Variants in NHP2 observed in about 807,000 individuals in gnomAD.
NHP2 encodes NHP2 ribonucleoprotein.
Under a neutral mutation model 16.7 loss-of-function variants are expected in NHP2, and 10 were observed. The ratio of observed to expected loss-of-function variants is 0.60; its 90% CI spans 0.37 to 1.01. The LOEUF is 1.01. NHP2 is among the 50% of genes least tolerant of loss of function. The pLI, the probability that NHP2 is intolerant of heterozygous loss-of-function variation, is 0.01. For missense variants in NHP2, 184 were observed against 198.3 expected (o/e 0.93, Z 0.43); for synonymous variants, 87 against 78.9 (o/e 1.10, Z -0.54).
At position 178,153,583 on chromosome 5, in the gene NHP2, C is replaced by T. The variant is rs759355382; in HGVS notation, c.161-23G>A. On this transcript the variant is annotated intron_variant, in intron 1 of 3. Transcript: ENST00000274606. ...CCGCTGCAACGACAGAAGAGTCGGTCGGGGGCCTCGCTCAGCCACCCGCGC... is the reference window on the plus strand; with the variant it reads ...CCGCTGCAACGACAGAAGAGTCGGTTGGGGGCCTCGCTCAGCCACCCGCGC... The T allele has an allele frequency of 1.9e-6, 3 of 1,613,946 alleles. No individual in the cohort carries two copies. In the African/African-American group the frequency reaches 4.0e-5, roughly 22 times the overall value.
chr5:178,152,072 G>C (rs1361768943), intron 2 of NHP2, among the ~76,000 whole-genome samples: 1 of 151,984 alleles, frequency 6.6e-6, no homozygotes, highest in Non-Finnish European at 1.5e-5. Flanking sequence ...TTTCAAATCT[G>C]TCCCCTTTAA....
At chr5:178,152,077 C>A (rs1245261578) in intron 2 of NHP2, among the ~76,000 whole-genome samples, 1 of 152,144 alleles carries the variant, frequency 6.6e-6, no homozygotes, top group Non-Finnish European at 1.5e-5. Context: ...AATCTGTCCC[C>A]TTTAACTCTG....
In NHP2 at chr5:178,149,697, G is replaced by A. The variant is rs745927459; in HGVS notation, c.*16C>T. 2.7e-5 allele frequency: 43 copies of A among 1,612,488 alleles called. No individual in the cohort carries two copies. The East Asian group carries it at 6.9e-4, about 26-fold the overall frequency. On this transcript the variant is annotated 3_prime_UTR_variant, in exon 4 of 4. Transcript: ENST00000274606. ...ATAGCTTCCAGCGGCAGGTGCCCAG[G>A]TGCTACCGGAGCCCCTCATAGGGGT...
Position 178,153,116 on chromosome 5 carries a change from C to T in NHP2, c.230+375G>A, listed in dbSNP as rs1274058598. 14 of 361,454 alleles carry T rather than the reference C, an allele frequency of 3.9e-5. No homozygotes were observed. In the Admixed American group the frequency reaches 5.2e-4, roughly 13 times the overall value. 22.4% of individuals were successfully genotyped at this position (361,454 alleles called of 1,614,324 possible). A position where few individuals can be genotyped will look rare whatever the true frequency, so the allele number is the denominator to read the frequency against. On this transcript the variant is annotated intron_variant, in intron 2 of 3. Coordinates refer to ENST00000274606, the MANE Select transcript of NHP2 (RefSeq NM_017838.4). ...AAACAAAAACGTTAACGTTCAGTTCCTTAAATACAGAGCCGGAGAGGGGTC... is the reference window on the plus strand; with the variant it reads ...AAACAAAAACGTTAACGTTCAGTTCTTTAAATACAGAGCCGGAGAGGGGTC...
Position 178,150,876 on chromosome 5 carries a change from C to T in NHP2, c.336+12G>A, listed in dbSNP as rs202050768. ...AGTGCTGAGCAAGGTCAGGGGGCCA[C>T]GTGCTCCTTACCGTCTTAGAGGGGA... On this transcript the variant is annotated intron_variant, in intron 3 of 3. Transcript: ENST00000274606. The T allele has an allele frequency of 5.1e-5, 80 of 1,574,958 alleles. No individual in the cohort carries two copies. The highest frequency in any genetic ancestry group is 6.0e-5 in the Non-Finnish European group (69 of 1,144,358).
chr5:178,150,003 A>C, intron 3 of NHP2, 165 bp from the exon 4 acceptor site: 2 of 703,400 alleles, frequency 2.8e-6, no homozygotes, highest in Non-Finnish European at 4.6e-6. Flanking sequence ...TTTAAACTCA[A>C]TCAGACTTTG....
chr5:178,153,474 G>C lies in NHP2; in HGVS notation c.230+17C>G. On this transcript the variant is annotated intron_variant, in intron 2 of 3. Coordinates refer to ENST00000274606, the MANE Select transcript of NHP2 (RefSeq NM_017838.4). The stretch of plus-strand genomic sequence containing the variant: ...AACGTTTAGAAATGCAAAATCCAGA[G>C]GAAGGAAGGTTCTTACCCTTTTTCT... The C allele has an allele frequency of 1.9e-6, 3 of 1,613,480 alleles. No individual in the cohort carries two copies. Among genetic ancestry groups the C allele is most frequent in the Non-Finnish European group, 2.5e-6 (3 of 1,179,424 alleles).
intron 3 of NHP2, 132 bp from the exon 4 acceptor site, chr5:178,149,970 G>A: frequency 1.0e-6 from 1 of 1,002,090 alleles, no homozygotes; most frequent in Non-Finnish European, 1.5e-6. Flanking sequence ...CTATTTAAAA[G>A]CATCTTGAAT....
Position 178,149,720 on chromosome 5 carries a change from G to A in NHP2, c.455C>T (p.Pro152Leu), listed in dbSNP as rs1417164552. ...AGGTGCTACCGGAGCCCCTCATAGG[G>A]GTAGGGGCAGGGACTGCACCTCCTC... Reference protein sequence around the residue: ...CLEEVQSLPLPL With the variant: ...CLEEVQSLPLLL Residue 152 changes from proline to leucine, a missense_variant, in exon 4 of 4, where the codon CCC (proline) becomes CTC (leucine). Coordinates refer to ENST00000274606, the MANE Select transcript of NHP2 (RefSeq NM_017838.4). 1.9e-6 allele frequency: 3 copies of A among 1,613,858 alleles called. No homozygotes were observed. Among genetic ancestry groups the A allele is most frequent in the South Asian group, 1.1e-5 (1 of 91,072 alleles).
In NHP2 at chr5:178,153,748, A is replaced by T. The variant is rs757358075; in HGVS notation, c.70T>A (p.Tyr24Asn). 66 of 1,613,606 alleles carry T rather than the reference A, an allele frequency of 4.1e-5. No individual in the cohort carries two copies. In the East Asian group the frequency reaches 1.4e-3, roughly 35 times the overall value. Residue 24 changes from tyrosine to asparagine, a missense_variant, in exon 1 of 4, where the codon TAC becomes AAC. Transcript: ENST00000274606. The stretch of plus-strand genomic sequence containing the variant: ...TTCTGGTTGACCAGCAGCTCCTGGT[A>T]GGTGCGCTCCCCGGAACACGCCTCC... Reference protein sequence around the residue: ...QAEACSGERTYQELLVNQNPI... With the variant: ...QAEACSGERTNQELLVNQNPI...
In NHP2 at chr5:178,153,818, C is replaced by T. The variant is rs1756337258; in HGVS notation, c.-1G>A. On this transcript the variant is annotated 5_prime_UTR_variant, in exon 1 of 4. Transcript: ENST00000274606. ...CGGGATCTGCCTTTATTTTGGTCAT[C>T]GCAGCGGCCGCTGAAACCTAGTCCC... The T allele has an allele frequency of 4.4e-6, 7 of 1,604,870 alleles. No homozygotes were observed. Among genetic ancestry groups the T allele is most frequent in the Non-Finnish European group, 6.0e-6 (7 of 1,175,980 alleles).
At chr5:178,153,597 A>G (rs752498657) in intron 1 of NHP2, 37 bp from the exon 2 acceptor site, 99 of 1,612,688 alleles carry the variant, frequency 6.1e-5, no homozygotes, top group Non-Finnish European at 7.8e-5. Flanking sequence ...GGCCTCGCTC[A>G]GCCACCCGCG....
rs1756209149 is a variant in NHP2 at position 178,149,657 on chromosome 5, C to T, written c.*56G>A. Reference sequence around the variant, plus strand: ...GGTGGGCAGGAGGACAGCCAGTCGTCCTGCTGCCAGCCCAATAGCTTCCAG... The same window carrying T: ...GGTGGGCAGGAGGACAGCCAGTCGTTCTGCTGCCAGCCCAATAGCTTCCAG... On this transcript the variant is annotated 3_prime_UTR_variant, in exon 4 of 4. Coordinates refer to ENST00000274606, the MANE Select transcript of NHP2 (RefSeq NM_017838.4). The T allele has an allele frequency of 1.2e-6, 2 of 1,609,956 alleles. No individual in the cohort carries two copies. The highest frequency in any genetic ancestry group is 4.5e-5 in the East Asian group (2 of 44,812).
intron 2 of NHP2, among the ~76,000 whole-genome samples, chr5:178,152,829 G>GT (rs1431898746): frequency 6.6e-6 from 1 of 152,244 alleles, no homozygotes; most frequent in African/African-American, 2.4e-5. Context: ...GCTCATGCCT[G>GT]TAATCCCAAC....
chr5:178,153,851 C>T lies in NHP2; in HGVS notation c.-34G>A, dbSNP rs966576397. On this transcript the variant is annotated 5_prime_UTR_variant, in exon 1 of 4. Transcript: ENST00000274606. ...CCGCTGAAACCTAGTCCCAGGGAGGCGAGCCCACGCGGTCCACAGCTTTAG... is the reference window on the plus strand; with the variant it reads ...CCGCTGAAACCTAGTCCCAGGGAGGTGAGCCCACGCGGTCCACAGCTTTAG... 2 of 1,585,892 alleles carry T rather than the reference C, an allele frequency of 1.3e-6. No individual in the cohort carries two copies. The highest frequency in any genetic ancestry group is 1.3e-5 in the African/African-American group (1 of 74,360).
At chr5:178,153,141 C>T in intron 2 of NHP2, 2 of 399,124 alleles carry the variant, frequency 5.0e-6, no homozygotes, top group South Asian at 2.3e-5. Flanking sequence ...GGAGAGGGGT[C>T]ATCCCTAGGA....
rs1756338691 is a variant in NHP2, at chr5:178,153,854, G to A, written c.-37C>T. ...CTGAAACCTAGTCCCAGGGAGGCGA[G>A]CCCACGCGGTCCACAGCTTTAGGCA... On this transcript the variant is annotated 5_prime_UTR_variant, in exon 1 of 4. Coordinates refer to ENST00000274606, the MANE Select transcript of NHP2 (RefSeq NM_017838.4). 2 of 1,585,312 alleles carry A rather than the reference G, an allele frequency of 1.3e-6. No homozygotes were observed. The highest frequency in any genetic ancestry group is 2.3e-5 in the South Asian group (2 of 87,932).
In NHP2 at chr5:178,149,598, T is replaced by A. The variant is rs1348248802; in HGVS notation, c.*115A>T. ...GTTAGAGCTGCCTGGGAAGAAGGCG[T>A]GCCTTGGGGAACTGGGAAGATGCCG... On this transcript the variant is annotated 3_prime_UTR_variant, in exon 4 of 4. Transcript: ENST00000274606. 1.4e-6 allele frequency: 2 copies of A among 1,390,650 alleles called. No individual in the cohort carries two copies. Among genetic ancestry groups the A allele is most frequent in the Non-Finnish European group, 2.0e-6 (2 of 997,596 alleles). The allele number at this position is 1,390,650 out of a possible 1,614,324, so 86.1% of individuals were successfully genotyped here. A position where few individuals can be genotyped will look rare whatever the true frequency, so the allele number is the denominator to read the frequency against.
chr5:178,150,383 T>C, intron 3 of NHP2: 1 of 259,026 alleles, frequency 3.9e-6, no homozygotes, highest in Non-Finnish European at 7.4e-6. Flanking sequence ...CCCCAGCCTC[T>C]ATTTTTTTTT....
Sources: gnomAD v4.1 joint callset for allele counts (sites outside exome capture counted in the v4.1 genomes callset) on GRCh38, gnomAD v4.1.1 for gene constraint, MANE v1.5 for transcripts, NCBI Gene and HGNC (gene_info 2026-07-23, HGNC 2026-07-21) for gene names.